Variants in RNLS observed in about 807,000 individuals in gnomAD.
RNLS encodes renalase, FAD dependent amine oxidase, also known as renalase.
Under a neutral mutation model 39.8 loss-of-function variants are expected in RNLS, and 39 were observed. That is an observed-to-expected ratio of 0.98 (90% confidence interval 0.76 to 1.28). The LOEUF is 1.28. RNLS is among the 50% of genes most tolerant of loss of function. The probability of loss-of-function intolerance (pLI) is 0.00; values close to 1 mark genes in which losing one functional copy is unlikely to be tolerated. For synonymous variants in RNLS, 147 were observed against 150.7 expected (o/e 0.98, Z 0.18); for missense variants, 410 against 413.3 (o/e 0.99, Z 0.07).
At chr10:88,490,050 T>G (rs983905022) in intron 4 of RNLS, among the ~76,000 whole-genome samples, 1 of 152,150 alleles carries the variant, frequency 6.6e-6, no homozygotes, top group African/African-American at 2.4e-5. Flanking sequence ...AAAATAAATG[T>G]TTTATATGGA....
At chr10:88,403,852 T>C (rs1021270265) in intron 4 of RNLS, among the ~76,000 whole-genome samples, 1 of 151,874 alleles carries the variant, frequency 6.6e-6, no homozygotes, top group African/African-American at 2.4e-5. Context: ...CTGGGCAATA[T>C]AGGGAGACCC....
At chr10:88,535,435 G>A (rs1001036657) in intron 4 of RNLS, among the ~76,000 whole-genome samples, 2 of 151,896 alleles carry the variant, frequency 1.3e-5, no homozygotes, top group Non-Finnish European at 2.9e-5. Context: ...CAGGTAGTGG[G>A]GGAGGGGTTG....
intron 5 of RNLS, among the ~76,000 whole-genome samples, chr10:88,321,902 A>G (rs778286537): frequency 5.9e-5 from 9 of 152,238 alleles, no homozygotes; most frequent in East Asian, 1.9e-4. Flanking sequence ...ACCAATCTCA[A>G]TGAAACGATT....
chr10:88,444,270 AG>A (rs1190429059), intron 4 of RNLS, among the ~76,000 whole-genome samples: 4 of 152,218 alleles, frequency 2.6e-5, no homozygotes, highest in Non-Finnish European at 5.9e-5. Flanking sequence ...CCTGACTGTT[AG>A]AAGGAAAACT....
the RNLS span, among the ~76,000 whole-genome samples, chr10:88,232,028 T>G: frequency 2.0e-5 from 3 of 152,078 alleles, 1 homozygote. Flanking sequence ...TCCATGTTTG[T>G]GGTTGTGAGA....
At chr10:88,257,833 C>T in the RNLS span, among the ~76,000 whole-genome samples, 4 of 152,146 alleles carry the variant, frequency 2.6e-5, no homozygotes, top group Non-Finnish European at 4.4e-5. Flanking sequence ...CATTATACAC[C>T]AATCCATGAC....
chr10:88,548,905 C>T (rs1377268841), intron 4 of RNLS, among the ~76,000 whole-genome samples: 1 of 151,978 alleles, frequency 6.6e-6, no homozygotes, highest in Non-Finnish European at 1.5e-5. Flanking sequence ...TATGCTGACA[C>T]AGAGGCATTA....
At chr10:88,518,252 T>C (rs757728700) in intron 4 of RNLS, among the ~76,000 whole-genome samples, 1 of 151,908 alleles carries the variant, frequency 6.6e-6, no homozygotes. Context: ...TAACAGTAAG[T>C]AGCATGCATA....
chr10:88,559,662 C>CATTCAT (rs1849062669), intron 4 of RNLS, among the ~76,000 whole-genome samples: 2 of 151,070 alleles, frequency 1.3e-5, no homozygotes, highest in African/African-American at 4.9e-5. Context: ...GATTGTTTCA[C>CATTCAT]TCATTCATTC....
chr10:88,314,923 G>T (rs1444365743), intron 5 of RNLS, among the ~76,000 whole-genome samples: 1 of 152,104 alleles, frequency 6.6e-6, no homozygotes. Context: ...GAACTGCCTT[G>T]GATATAATTA....
chr10:88,580,439 G>T (rs763184782), intron 3 of RNLS, among the ~76,000 whole-genome samples: 150 of 152,096 alleles, frequency 9.9e-4, no homozygotes, highest in Non-Finnish European at 9.6e-4. Flanking sequence ...TGATGATAAA[G>T]ATCAAAACAG....
intron 4 of RNLS, among the ~76,000 whole-genome samples, chr10:88,536,799 C>T (rs1847786356): frequency 6.6e-6 from 1 of 152,154 alleles, no homozygotes; most frequent in Non-Finnish European, 1.5e-5. Flanking sequence ...CAGCAGCACC[C>T]CTACCTCAAA....
At chr10:88,267,004 T>C in the RNLS span, among the ~76,000 whole-genome samples, 1 of 152,184 alleles carries the variant, frequency 6.6e-6, no homozygotes, top group Non-Finnish European at 1.5e-5. Context: ...TAGCCAGTCC[T>C]CCTTCCCTCC....
At chr10:88,186,456 C>T in the RNLS span, among the ~76,000 whole-genome samples, 2 of 152,118 alleles carry the variant, frequency 1.3e-5, no homozygotes, top group Non-Finnish European at 2.9e-5. Context: ...TTACACATGT[C>T]ATCTCTGTTC....
intron 1 of RNLS, 92 bp downstream of exon 1, chr10:88,582,981 C>G: frequency 7.0e-7 from 1 of 1,418,854 alleles, no homozygotes; most frequent in Non-Finnish European, 9.5e-7. Context: ...ATAGCGTTTT[C>G]GCCTTAGACT....
the RNLS span, among the ~76,000 whole-genome samples, chr10:88,254,410 G>A: frequency 6.6e-6 from 1 of 152,218 alleles, no homozygotes; most frequent in Admixed American, 6.5e-5. Flanking sequence ...AGCTGAACCT[G>A]CAACATGTCA....
At chr10:88,426,363 A>T (rs1321505381) in intron 4 of RNLS, among the ~76,000 whole-genome samples, 2 of 152,046 alleles carry the variant, frequency 1.3e-5, no homozygotes, top group East Asian at 3.9e-4. Context: ...TATGTCTTCA[A>T]TATTGTAACA....
intron 4 of RNLS, among the ~76,000 whole-genome samples, chr10:88,554,529 CCT>C (rs1002213717): frequency 3.3e-5 from 5 of 151,884 alleles, no homozygotes; most frequent in Non-Finnish European, 7.4e-5. Context: ...GAACACTTCC[CCT>C]CTCTCTACAA....
the RNLS span, among the ~76,000 whole-genome samples, chr10:88,227,445 A>G: frequency 6.6e-6 from 1 of 152,218 alleles, no homozygotes; most frequent in African/African-American, 2.4e-5. Context: ...GGTAGCGATG[A>G]ACCCAGCATC....
Sources: allele counts gnomAD v4.1 joint callset (sites outside exome capture counted in the v4.1 genomes callset), GRCh38; gene constraint gnomAD v4.1.1; transcripts MANE v1.5; gene names NCBI Gene and HGNC (gene_info 2026-07-23, HGNC 2026-07-21).